KY: variants seen among roughly 807,000 people sequenced by gnomAD.
KY encodes the protein kyphoscoliosis peptidase.
A neutral mutation model predicts 76.1 loss-of-function variants in KY; 43 were observed. That is an observed-to-expected ratio of 0.57 (90% confidence interval 0.44 to 0.73). The LOEUF (loss-of-function observed/expected upper bound fraction) is 0.73. Among genes scored for constraint, KY ranks in the 30% least tolerant of loss-of-function variants. KY has a pLI of 0.00. For missense variants in KY, 722 were observed against 828.9 expected (o/e 0.87, Z 1.58); for synonymous variants, 277 against 326.2 (o/e 0.85, Z 1.63).
chr3:134,603,748 T>G lies in KY; in HGVS notation c.1817A>C (p.Lys606Thr), dbSNP rs1212622644. Reference protein sequence around the residue: ...PFKLKLHGIAKVLVKGQDTWP... With the variant: ...PFKLKLHGIATVLVKGQDTWP... The stretch of plus-strand genomic sequence containing the variant: ...TGTGTCCTGCCCCTTCACCAGGACT[T>G]TGGCAATACCATGCAGCTTCAATTT... Residue 606 changes from lysine (K) to threonine (T), a missense_variant, in exon 11 of 11, where the codon AAA becomes ACA. This residue lies in a region of KY where 552 missense variants were observed against 680.9 expected (regional missense o/e 0.81). Coordinates refer to ENST00000423778, the MANE Select transcript of KY (RefSeq NM_178554.6). The G allele has an allele frequency of 1.9e-6, 3 of 1,612,144 alleles. No homozygotes were observed. In the African/African-American group the frequency reaches 4.0e-5, roughly 22 times the overall value.
intron 1 of KY, 78 bp downstream of exon 1, chr3:134,650,747 C>A (rs1310171015): frequency 7.6e-7 from 1 of 1,324,066 alleles, no homozygotes; most frequent in Admixed American, 3.0e-5. Flanking sequence ...GCAATGGGCG[C>A]CCCCCGGCGG....
chr3:134,643,215 C>G, intron 3 of KY, 101 bp downstream of exon 3: 3 of 1,119,404 alleles, frequency 2.7e-6, no homozygotes. Flanking sequence ...GGACCCTGCT[C>G]CCCATAGTCT....
chr3:134,623,229 C>T (rs747556876), intron 6 of KY, among the ~76,000 whole-genome samples: 1 of 152,194 alleles, frequency 6.6e-6, no homozygotes, highest in Non-Finnish European at 1.5e-5. Context: ...CTCTGGCCTC[C>T]GCTGGCTTCC....
chr3:134,607,163 A>G (rs1959330394), intron 10 of KY: 1 of 985,344 alleles, frequency 1.0e-6, no homozygotes, highest in Non-Finnish European at 1.2e-6. Context: ...CCTATGATAC[A>G]TTGAACAAGC....
chr3:134,606,914 C>T, intron 10 of KY: 1 of 985,232 alleles, frequency 1.0e-6, no homozygotes, highest in East Asian at 1.1e-4. Flanking sequence ...TTCCTTTCTG[C>T]TCATCTCAGT....
intron 5 of KY, 105 bp from the exon 6 acceptor site, chr3:134,625,240 A>T (rs896894509): frequency 1.2e-6 from 1 of 851,416 alleles, no homozygotes; most frequent in Admixed American, 2.2e-5. Context: ...CCAACCTTTA[A>T]CACAATTCTC....
chr3:134,608,604 G>T, intron 10 of KY, 45 bp downstream of exon 10: 2 of 1,613,824 alleles, frequency 1.2e-6, no homozygotes, highest in Non-Finnish European at 1.7e-6. Flanking sequence ...AGTGCGAAAT[G>T]CTCCATTCCT....
intron 6 of KY, among the ~76,000 whole-genome samples, chr3:134,624,059 C>A (rs1963083075): frequency 1.3e-5 from 2 of 152,134 alleles, no homozygotes; most frequent in African/African-American, 4.8e-5. Flanking sequence ...GACACTAGAG[C>A]CCCTCATATC....
At chr3:134,608,566 C>T (rs755523285) in intron 10 of KY, 83 bp downstream of exon 10, 24 of 1,611,146 alleles carry the variant, frequency 1.5e-5, no homozygotes, top group South Asian at 8.8e-5. Flanking sequence ...GCCTTGAAAG[C>T]GCAGTCTCAG....
chr3:134,614,023 C>A (rs1428270783), intron 8 of KY, among the ~76,000 whole-genome samples: 2 of 152,150 alleles, frequency 1.3e-5, no homozygotes, highest in Non-Finnish European at 2.9e-5. Flanking sequence ...ATCATATCCC[C>A]AAAATAAGGC....
intron 8 of KY, among the ~76,000 whole-genome samples, chr3:134,613,930 T>G (rs1051602764): frequency 6.6e-5 from 10 of 152,176 alleles, no homozygotes; most frequent in African/African-American, 2.4e-4. Flanking sequence ...CCGCACACAC[T>G]GTGTATAAAG....
intron 3 of KY, chr3:134,641,253 A>G (rs1253478204): frequency 6.6e-6 from 1 of 152,206 alleles, no homozygotes; most frequent in African/African-American, 2.4e-5. Context: ...GCCTTTAGAG[A>G]TATCCATGCC....
intron 10 of KY, among the ~76,000 whole-genome samples, chr3:134,605,644 G>A (rs1022132767): frequency 5.9e-5 from 9 of 151,850 alleles, no homozygotes; most frequent in African/African-American, 1.2e-4. Flanking sequence ...TGCCCACTCC[G>A]CACCTGCCCT....
At chr3:134,646,903 T>C (rs1966507626) in intron 2 of KY, among the ~76,000 whole-genome samples, 1 of 152,124 alleles carries the variant, frequency 6.6e-6, no homozygotes, top group African/African-American at 2.4e-5. Context: ...GGCCCCTTAG[T>C]GTTACCACAG....
At chr3:134,635,493 TAAA>T (rs10647203) in intron 3 of KY, among the ~76,000 whole-genome samples, 33 of 79,334 alleles carry the variant, frequency 4.2e-4, no homozygotes, top group African/African-American at 1.3e-3. Context: ...CGAGACTCTG[TAAA>T]AAAAAAAAAA....
Position 134,600,175 on chromosome 3 carries a change from C to G in KY, c.*3404G>C, listed in dbSNP as rs1485832457. Among the ~76,000 whole-genome samples the G allele has an allele frequency of 6.6e-6, 1 of 152,210 alleles. No homozygotes were observed. The highest frequency in any genetic ancestry group is 1.5e-5 in the Non-Finnish European group (1 of 68,044). ...ATGATGTAGTGATGCTGTTAACCCT[C>G]TGTTTGCTGCAGGCAGACCAGGATA... On this transcript the variant is annotated 3_prime_UTR_variant, in exon 11 of 11. Coordinates refer to ENST00000423778, the MANE Select transcript of KY (RefSeq NM_178554.6).
At chr3:134,610,534 T>C in intron 8 of KY, 151 bp from the exon 9 acceptor site, 4 of 657,320 alleles carry the variant, frequency 6.1e-6, no homozygotes, top group Non-Finnish European at 1.0e-5. Flanking sequence ...ATAAACAGCC[T>C]TGATGGCTTT....
At chr3:134,638,750 T>C (rs1965316866) in intron 3 of KY, among the ~76,000 whole-genome samples, 1 of 152,258 alleles carries the variant, frequency 6.6e-6, no homozygotes, top group Non-Finnish European at 1.5e-5. Context: ...ACCTGACAGC[T>C]GCTCTCCAGA....
chr3:134,617,470 G>A (rs1376928695), intron 8 of KY, among the ~76,000 whole-genome samples: 2 of 152,116 alleles, frequency 1.3e-5, no homozygotes, highest in African/African-American at 4.8e-5. Context: ...AAATATAGAC[G>A]TATACAATCG....
Sources: allele counts gnomAD v4.1 joint callset (sites outside exome capture counted in the v4.1 genomes callset), GRCh38; gene constraint gnomAD v4.1.1; regional missense constraint gnomAD v4.1.1; transcripts MANE v1.5; gene names NCBI Gene and HGNC (gene_info 2026-07-23, HGNC 2026-07-21).